BCAR3: variants seen among roughly 807,000 people sequenced by gnomAD.
BCAR3 encodes breast cancer anti-estrogen resistance protein 3.
A neutral mutation model predicts 80.1 loss-of-function variants in BCAR3; 37 were observed. The observed-to-expected ratio is 0.46, with a 90% confidence interval of 0.36 to 0.61. The LOEUF (loss-of-function observed/expected upper bound fraction) is 0.61, where lower values mean the gene tolerates loss of function less well. BCAR3 is among the 20% of genes least tolerant of loss of function. The probability of loss-of-function intolerance (pLI) is 0.00; values close to 1 mark genes in which losing one functional copy is unlikely to be tolerated. For missense variants in BCAR3, 978 were observed against 1,068.2 expected (o/e 0.92, Z 1.18); for synonymous variants, 389 against 418.9 (o/e 0.93, Z 0.87).
intron 3 of BCAR3, among the ~76,000 whole-genome samples, chr1:93,638,418 A>G (rs1174485751): frequency 6.6e-6 from 1 of 152,216 alleles, no homozygotes; most frequent in Non-Finnish European, 1.5e-5. Flanking sequence ...CAACTACTTG[A>G]TAGTGATCTA....
At chr1:93,575,925 T>A in intron 8 of BCAR3, 89 bp downstream of exon 8, 1 of 1,111,760 alleles carries the variant, frequency 9.0e-7, no homozygotes. Context: ...GCTAGGCTGG[T>A]GCTGCGCCTC....
chr1:93,647,844 C>G (rs963177580), intron 2 of BCAR3, among the ~76,000 whole-genome samples: 13 of 151,874 alleles, frequency 8.6e-5, no homozygotes, highest in Non-Finnish European at 2.9e-5. Context: ...GTGATCTTGG[C>G]TCACTGCAAC....
Position 93,660,746 on chromosome 1 carries a change from G to C in BCAR3, c.317+13868C>G, listed in dbSNP as rs563999312. ...GTTTGTTTGTTTGATACAGAGTCTCGCAATGTTGCCCAGCCCAGAGTGCAA... is the reference window on the plus strand; with the variant it reads ...GTTTGTTTGTTTGATACAGAGTCTCCCAATGTTGCCCAGCCCAGAGTGCAA... On this transcript the variant is annotated intron_variant, in intron 2 of 11. Transcript: ENST00000260502. 5.8e-4 allele frequency among the ~76,000 whole-genome samples: 88 copies of C among 152,356 alleles called. 2 individuals carry two copies. Among genetic ancestry groups the C allele is most frequent in the African/African-American group, 2.0e-3 (83 of 41,572 alleles).
chr1:93,640,010 C>T (rs568356087), intron 3 of BCAR3, among the ~76,000 whole-genome samples: 10 of 152,214 alleles, frequency 6.6e-5, no homozygotes, highest in Middle Eastern at 3.4e-3. Context: ...GCCTTTATGA[C>T]ACAACATAAT....
chr1:93,808,043 A>T (rs2747048), intron 2 of BCAR3, among the ~76,000 whole-genome samples: 59,803 of 121,616 alleles, frequency 0.49, 13,458 homozygotes, highest in East Asian at 0.69. Context: ...TTTTTTTTTT[A>T]AAAAAAAAAA....
intron 2 of BCAR3, among the ~76,000 whole-genome samples, chr1:93,642,748 G>C (rs1215380929): frequency 6.6e-6 from 1 of 152,234 alleles, no homozygotes; most frequent in East Asian, 1.9e-4. Context: ...ACCAGTAACT[G>C]TGTTGTGCCC....
At chr1:93,670,013 A>G (rs112329673) in intron 2 of BCAR3, among the ~76,000 whole-genome samples, 220 of 152,336 alleles carry the variant, frequency 1.4e-3, no homozygotes, top group African/African-American at 4.9e-3. Context: ...TGGGTGCACC[A>G]AAATCTCACA....
intron 2 of BCAR3, among the ~76,000 whole-genome samples, chr1:93,843,828 T>C (rs1411282087): frequency 6.6e-6 from 1 of 152,230 alleles, no homozygotes; most frequent in Non-Finnish European, 1.5e-5. Context: ...GTAGGAATTA[T>C]GTCTTAAACT....
At chr1:93,669,565 C>A (rs1435799912) in intron 2 of BCAR3, among the ~76,000 whole-genome samples, 1 of 152,184 alleles carries the variant, frequency 6.6e-6, no homozygotes, top group Non-Finnish European at 1.5e-5. Flanking sequence ...TCCCACAGCA[C>A]AAGAGGCCGA....
At chr1:93,777,542 TTCC>T (rs1238962379) in intron 2 of BCAR3, among the ~76,000 whole-genome samples, 2 of 150,646 alleles carry the variant, frequency 1.3e-5, no homozygotes, top group Non-Finnish European at 1.5e-5. Context: ...CCTTCTCCTC[TTCC>T]TCCTCCTCCT....
intron 3 of BCAR3, chr1:93,605,533 C>T (rs1014392235): frequency 2.0e-5 from 3 of 152,190 alleles, no homozygotes; most frequent in African/African-American, 7.2e-5. Context: ...CAAAGACTGC[C>T]CTGGCTAAGG....
chr1:93,593,497 T>C (rs1674296569), intron 3 of BCAR3, among the ~76,000 whole-genome samples: 1 of 151,580 alleles, frequency 6.6e-6, no homozygotes, highest in African/African-American at 2.4e-5. Flanking sequence ...GCCTCCCTGG[T>C]AGCTAGGACT....
At chr1:93,731,070 C>G (rs547970945) in intron 2 of BCAR3, among the ~76,000 whole-genome samples, 2 of 152,292 alleles carry the variant, frequency 1.3e-5, no homozygotes, top group East Asian at 3.9e-4. Context: ...AAATGAAAAC[C>G]AAGGGACAAT....
At chr1:93,576,898 T>G (rs138201162) in intron 7 of BCAR3, among the ~76,000 whole-genome samples, 1 of 152,354 alleles carries the variant, frequency 6.6e-6, no homozygotes, top group Non-Finnish European at 1.5e-5. Context: ...CTTATGCCTC[T>G]AATCCCAGTG....
chr1:93,846,936 C>G, intron 1 of BCAR3: 1 of 446,674 alleles, frequency 2.2e-6, no homozygotes, highest in Non-Finnish European at 4.6e-6. Flanking sequence ...TCGAACCCCG[C>G]GCAAATAAAC....
chr1:93,717,661 G>C (rs1650236655), intron 2 of BCAR3, among the ~76,000 whole-genome samples: 1 of 150,782 alleles, frequency 6.6e-6, no homozygotes, highest in Admixed American at 6.6e-5. Flanking sequence ...CAGGGAGGTG[G>C]AGGTTGCAGT....
intron 2 of BCAR3, among the ~76,000 whole-genome samples, chr1:93,806,193 G>C (rs1400494010): frequency 2.6e-5 from 4 of 152,170 alleles, no homozygotes; most frequent in Non-Finnish European, 5.9e-5. Context: ...CTGAAATTTT[G>C]CTGGAATGAT....
At chr1:93,642,674 G>T (rs1570999289) in intron 2 of BCAR3, among the ~76,000 whole-genome samples, 1 of 152,236 alleles carries the variant, frequency 6.6e-6, no homozygotes, top group Non-Finnish European at 1.5e-5. Flanking sequence ...GGCAGGACTG[G>T]GTACGGGAAC....
chr1:93,606,405 AAG>A (rs1305447861), intron 3 of BCAR3, among the ~76,000 whole-genome samples: 2 of 152,214 alleles, frequency 1.3e-5, no homozygotes, highest in African/African-American at 4.8e-5. Flanking sequence ...GACAGAAAGA[AAG>A]AGACAGGTGA....
Sources: allele counts gnomAD v4.1 joint callset (sites outside exome capture counted in the v4.1 genomes callset), GRCh38; gene constraint gnomAD v4.1.1; transcripts MANE v1.5; gene names NCBI Gene and HGNC (gene_info 2026-07-23, HGNC 2026-07-21).